Variants in SLC12A8 observed in about 807,000 individuals in gnomAD.
The protein encoded by SLC12A8 is cation-chloride cotransporter 9.
In SLC12A8, 69 loss-of-function variants were observed where a neutral mutation model predicts 75.6. That is an observed-to-expected ratio of 0.91 (90% CI 0.75 to 1.11). SLC12A8 has a LOEUF of 1.11. Among genes scored for constraint, SLC12A8 ranks in the 50% most tolerant of loss-of-function variants. SLC12A8 has a pLI of 0.00. For synonymous variants in SLC12A8, 365 were observed against 372.8 expected, an observed-to-expected ratio of 0.98 and a Z score of 0.24; for missense variants, 877 against 896.7, an observed-to-expected ratio of 0.98 and a Z score of 0.28.
At position 125,084,039 on chromosome 3, in the gene SLC12A8, G is replaced by A. The variant is rs373580339; in HGVS notation, c.1996C>T (p.Pro666Ser). The A allele has an allele frequency of 1.9e-6, 3 of 1,611,382 alleles. No individual in the cohort carries two copies. Among genetic ancestry groups the A allele is most frequent in the Non-Finnish European group, 2.5e-6 (3 of 1,178,928 alleles). ...GGCGCCAAGATGATCTGCTCCTGAG[G>A]GGACCGCAAGCTCCTGCAGTGAGAG... ...LLPSCRSLRS[P>S]QEQIILAPSL... Residue 666 changes from proline (P) to serine (S), a missense_variant, in exon 14 of 14, where the codon CCT becomes TCT. Physicochemically the swap from Pro to Ser is moderately conservative, Grantham distance 74. Coordinates refer to ENST00000469902, the MANE Select transcript of SLC12A8 (RefSeq NM_024628.6).
At chr3:125,166,609 G>A (rs967105141) in intron 5 of SLC12A8, among the ~76,000 whole-genome samples, 8 of 152,094 alleles carry the variant, frequency 5.3e-5, no homozygotes, top group African/African-American at 1.9e-4. Flanking sequence ...CCGACTGTAC[G>A]GGGAGCGCCA....
At chr3:125,141,757 T>C (rs923491884) in intron 5 of SLC12A8, among the ~76,000 whole-genome samples, 1 of 152,056 alleles carries the variant, frequency 6.6e-6, no homozygotes, top group Non-Finnish European at 1.5e-5. Context: ...CCCCCACCCC[T>C]GGACCAGCGA....
At chr3:125,198,099 C>T (rs1935039124) in intron 2 of SLC12A8, among the ~76,000 whole-genome samples, 1 of 152,148 alleles carries the variant, frequency 6.6e-6, no homozygotes, top group Admixed American at 6.5e-5. Flanking sequence ...TGCATCACTG[C>T]TATGGTGTTC....
At chr3:125,129,522 A>G (rs1933301384) in intron 6 of SLC12A8, among the ~76,000 whole-genome samples, 1 of 152,038 alleles carries the variant, frequency 6.6e-6, no homozygotes, top group Non-Finnish European at 1.5e-5. Flanking sequence ...ACCAGACCGA[A>G]TCTCCAGCCG....
rs187034918 is a variant in SLC12A8, at chr3:125,181,646, G to T, written c.391-3672C>A. Among the ~76,000 whole-genome samples, 517 of 143,662 alleles carry T rather than the reference G, an allele frequency of 3.6e-3. 6 individuals are homozygous for T. The highest frequency in any genetic ancestry group is 0.013 in the African/African-American group (501 of 39,130). 94.2% of individuals were successfully genotyped at this position (143,662 alleles called of 152,430 possible). ...AAAAAAAGAAAAATAAAGGAACGAA[G>T]AATTAACTTCAGTCACAAAAATATC... is the stretch of plus-strand genomic sequence containing the variant. On this transcript the variant is annotated intron_variant, in intron 4 of 13. Transcript: ENST00000469902.
intron 1 of SLC12A8, among the ~76,000 whole-genome samples, chr3:125,212,380 C>A (rs1935353428): frequency 6.6e-6 from 1 of 152,030 alleles, no homozygotes; most frequent in Non-Finnish European, 1.5e-5. Context: ...CTCGCCCTTC[C>A]CGCCGCCCCG....
chr3:125,190,037 G>A (rs962278916), intron 3 of SLC12A8, among the ~76,000 whole-genome samples: 4 of 152,090 alleles, frequency 2.6e-5, no homozygotes, highest in Non-Finnish European at 4.4e-5. Flanking sequence ...GAAGAATACC[G>A]GGAAAACTAC....
intron 8 of SLC12A8, among the ~76,000 whole-genome samples, chr3:125,111,582 G>T (rs1939188159): frequency 6.6e-6 from 1 of 151,962 alleles, no homozygotes; most frequent in Admixed American, 6.5e-5. Flanking sequence ...TTACAGATAG[G>T]TTAGAGTTAA....
chr3:125,136,524 A>G (rs1428927189), intron 5 of SLC12A8, among the ~76,000 whole-genome samples: 1 of 152,228 alleles, frequency 6.6e-6, no homozygotes, highest in Non-Finnish European at 1.5e-5. Flanking sequence ...TCCTTGAGGC[A>G]TGAAATCCAG....
intron 3 of SLC12A8, among the ~76,000 whole-genome samples, chr3:125,188,101 G>T (rs1934832176): frequency 6.6e-6 from 1 of 152,200 alleles, no homozygotes; most frequent in Non-Finnish European, 1.5e-5. Flanking sequence ...AGGTGTTTGG[G>T]TCATGGGGGT....
At chr3:125,135,139 A>AC (rs1002962384) in intron 6 of SLC12A8, among the ~76,000 whole-genome samples, 3 of 152,024 alleles carry the variant, frequency 2.0e-5, no homozygotes, top group African/African-American at 7.3e-5. Flanking sequence ...TTCATTCCTC[A>AC]CCCCCGCGAT....
At chr3:125,131,899 C>T (rs181126148) in intron 6 of SLC12A8, among the ~76,000 whole-genome samples, 6 of 152,228 alleles carry the variant, frequency 3.9e-5, no homozygotes, top group African/African-American at 1.2e-4. Flanking sequence ...ACCCCCACCC[C>T]GCCAACTCCC....
At chr3:125,210,732 C>G (rs2107808093) in intron 2 of SLC12A8, among the ~76,000 whole-genome samples, 1 of 152,228 alleles carries the variant, frequency 6.6e-6, no homozygotes, top group East Asian at 1.9e-4. Flanking sequence ...CACATAGTTT[C>G]TGGATAAACA....
intron 10 of SLC12A8, among the ~76,000 whole-genome samples, chr3:125,102,281 C>A (rs1279566711): frequency 1.3e-5 from 2 of 151,934 alleles, no homozygotes; most frequent in Non-Finnish European, 2.9e-5. Flanking sequence ...TGTATGAAGG[C>A]AGGAAGGAAT....
intron 6 of SLC12A8, among the ~76,000 whole-genome samples, chr3:125,132,281 A>G (rs113912188): frequency 3.9e-5 from 6 of 152,194 alleles, no homozygotes; most frequent in African/African-American, 9.7e-5. Flanking sequence ...AAAGCGACGC[A>G]CTATTTCTGG....
chr3:125,176,975 G>T (rs1250958388), intron 5 of SLC12A8, among the ~76,000 whole-genome samples: 7 of 151,826 alleles, frequency 4.6e-5, no homozygotes, highest in Non-Finnish European at 8.8e-5. Context: ...CCATTACTGG[G>T]TATATACCCA....
At position 125,177,881 on chromosome 3, in the gene SLC12A8, C is replaced by G. The variant is rs754173297; in HGVS notation, c.484G>C (p.Val162Leu). Residue 162 changes from valine (V) to leucine (L), a missense_variant, in exon 5 of 14, where the codon GTT becomes CTT. Coordinates refer to ENST00000469902, the MANE Select transcript of SLC12A8 (RefSeq NM_024628.6). ...GNIWAVRGIS[V>L]AVLLALLGIN... ...CCCAGCAAGGCCAGAAGCACCGCAACTGAAATTCCTCGCACAGCCCAGATA... is the reference window on the plus strand; with the variant it reads ...CCCAGCAAGGCCAGAAGCACCGCAAGTGAAATTCCTCGCACAGCCCAGATA... 3.1e-6 allele frequency: 5 copies of G among 1,614,222 alleles called. No individual in the cohort carries two copies. In the Admixed American group the frequency reaches 8.3e-5, roughly 27 times the overall value.
chr3:125,167,236 G>A (rs1224915950), intron 5 of SLC12A8, among the ~76,000 whole-genome samples: 3 of 151,432 alleles, frequency 2.0e-5, no homozygotes, highest in African/African-American at 7.3e-5. Flanking sequence ...TGCAACCTCT[G>A]CCTCCCGGGT....
At chr3:125,134,844 A>C (rs1933449527) in intron 6 of SLC12A8, among the ~76,000 whole-genome samples, 2 of 152,248 alleles carry the variant, frequency 1.3e-5, no homozygotes, top group African/African-American at 4.8e-5. Flanking sequence ...GGCAGAGGGA[A>C]AGGAGAGAGA....
Sources: allele counts gnomAD v4.1 joint callset (sites outside exome capture counted in the v4.1 genomes callset), GRCh38; gene constraint gnomAD v4.1.1; transcripts MANE v1.5; gene names NCBI Gene and HGNC (gene_info 2026-07-23, HGNC 2026-07-21).